DNAH17: variants seen among roughly 807,000 people sequenced by gnomAD.
The protein encoded by DNAH17 is axonemal beta dynein heavy chain 17.
Under a neutral mutation model 485.6 loss-of-function variants are expected in DNAH17, and 376 were observed. The observed-to-expected ratio is 0.77, with a 90% confidence interval of 0.71 to 0.84. DNAH17 has a LOEUF of 0.84. Among genes scored for constraint, DNAH17 ranks in the 40% least tolerant of loss-of-function variants. DNAH17 has a pLI of 0.00. For missense variants in DNAH17, 6,370 were observed against 5,839.3 expected (o/e 1.09, Z -2.96); for synonymous variants, 3,031 against 2,405.9 (o/e 1.26, Z -7.60).
At chr17:78,458,903 G>A (rs769550408) in intron 61 of DNAH17, 98 bp downstream of exon 61, 69 of 1,334,094 alleles carry the variant, frequency 5.2e-5, no homozygotes, top group East Asian at 2.6e-4. Flanking sequence ...AATTCATGAC[G>A]GCGGGCCGTG....
At position 78,427,043 on chromosome 17, in the gene DNAH17, C is replaced by T. The variant is rs1288116242; in HGVS notation, c.12654G>A (p.Met4218Ile). 1.2e-5 allele frequency: 20 copies of T among 1,602,622 alleles called. No individual in the cohort carries two copies. The highest frequency in any genetic ancestry group is 1.6e-5 in the Non-Finnish European group (19 of 1,174,802). Residue 4218 changes from methionine (M) to isoleucine (I), a missense_variant, in exon 78 of 81, where the codon ATG becomes ATA. Met to Ile is a conservative substitution (Grantham distance 10). Coordinates refer to ENST00000389840, the MANE Select transcript of DNAH17 (RefSeq NM_173628.4). ...AGGGGGTCTTTTCCGCTGCCTTTGC[C>T]ATGATCTCAGCCATGTTGAAAGTCT... is the stretch of plus-strand genomic sequence containing the variant. ...IPETFNMAEI[M>I]AKAAEKTPYV...
At chr17:78,451,177 G>C (rs751011717) in intron 66 of DNAH17, among the ~76,000 whole-genome samples, 5 of 152,254 alleles carry the variant, frequency 3.3e-5, no homozygotes, top group Non-Finnish European at 7.3e-5. Flanking sequence ...TTGCAGGGCA[G>C]CGCTTTGGAG....
intron 22 of DNAH17, 69 bp downstream of exon 22, chr17:78,529,403 G>C: frequency 1.4e-6 from 2 of 1,480,950 alleles, no homozygotes; most frequent in Non-Finnish European, 1.9e-6. Flanking sequence ...TTGATGGGCT[G>C]GTCCATGGTC....
intron 70 of DNAH17, 35 bp from the exon 71 acceptor site, chr17:78,444,832 C>A (rs2087213266): frequency 2.0e-6 from 3 of 1,531,420 alleles, no homozygotes; most frequent in South Asian, 1.3e-5. Flanking sequence ...GTGACTCTTC[C>A]CACTTACCCG....
At position 78,437,659 on chromosome 17, in the gene DNAH17, G is replaced by A. The variant is rs756867250; in HGVS notation, c.12015C>T (p.Ala4005=). The A allele has an allele frequency of 1.2e-6, 2 of 1,610,298 alleles. No individual in the cohort carries two copies. Among genetic ancestry groups the A allele is most frequent in the Non-Finnish European group, 1.7e-6 (2 of 1,178,584 alleles). ...PTGMHANLHK[A]LDLFTQDTLE... ...GCCCTACCTGGGTGAACAGGTCCAG[G>A]GCCTTGTGCAAGTTGGCGTGCATGC... is the stretch of plus-strand genomic sequence containing the variant. Residue 4005 remains alanine (A), a synonymous_variant, in exon 74 of 81, where the codon GCC becomes GCT. Coordinates refer to ENST00000389840, the MANE Select transcript of DNAH17 (RefSeq NM_173628.4).
chr17:78,572,413 G>T (rs1202520456), intron 3 of DNAH17, among the ~76,000 whole-genome samples: 1 of 152,114 alleles, frequency 6.6e-6, no homozygotes, highest in Non-Finnish European at 1.5e-5. Flanking sequence ...TGCTTGCTGG[G>T]TGGTGACTGG....
In DNAH17 at chr17:78,424,146, G is replaced by A; in HGVS notation, c.13149C>T (p.Arg4383=). The A allele has an allele frequency of 6.2e-7, 1 of 1,610,576 alleles. No individual in the cohort carries two copies. Among genetic ancestry groups the A allele is most frequent in the Non-Finnish European group, 8.5e-7 (1 of 1,178,722 alleles). ...CGATGACTCCAGTCTGGGTGTCCCA[G>A]CGAGCCCCTGCAGGGACAGTATGGC... ...YVYGLFMEGA[R]WDTQTGVIAE... The change falls in exon 81 of 81, where the codon CGC becomes CGT. Residue 4383 remains arginine (R), a synonymous_variant. Transcript: ENST00000389840.
chr17:78,558,094 A>G lies in DNAH17; in HGVS notation c.2178+14T>C. 1 of 1,609,850 alleles carries G rather than the reference A, an allele frequency of 6.2e-7. No individual in the cohort carries two copies. Among genetic ancestry groups the G allele is most frequent in the Non-Finnish European group, 8.5e-7 (1 of 1,177,870 alleles). On this transcript the variant is annotated intron_variant, in intron 14 of 80. Transcript: ENST00000389840. ...CAAAGCTGCATCAGGAATAGTACCG[A>G]CTCACCAACTCACCTCATTATACCA...
chr17:78,460,080 T>G (rs972525995), intron 59 of DNAH17, 79 bp from the exon 60 acceptor site: 7 of 1,589,468 alleles, frequency 4.4e-6, no homozygotes, highest in Non-Finnish European at 8.6e-7. Flanking sequence ...CCGCCATGAG[T>G]GTGTCACCAC....
rs527869894 is a variant in DNAH17 at position 78,560,273 on chromosome 17, C to T, written c.2031+467G>A. On this transcript the variant is annotated intron_variant, in intron 13 of 80. Coordinates refer to ENST00000389840, the MANE Select transcript of DNAH17 (RefSeq NM_173628.4). ...AGTGGGAAGATTTCCAAGGAAGAGC[C>T]GCATCTCTGGTTTCCCTGCCTTGCC... 6.0e-4 allele frequency among the ~76,000 whole-genome samples: 91 copies of T among 152,246 alleles called. 1 individual carries two copies. In the East Asian group the frequency reaches 9.8e-3, roughly 16 times the overall value.
rs143597953 is a variant in DNAH17, at chr17:78,455,574, G to A, written c.10170+70C>T. 50 of 1,250,576 alleles carry A rather than the reference G, an allele frequency of 4.0e-5. No individual in the cohort carries two copies. The South Asian group carries it at 5.6e-4, about 14-fold the overall frequency. 77.5% of individuals were successfully genotyped at this position (1,250,576 alleles called of 1,614,324 possible). A position where few individuals can be genotyped will look rare whatever the true frequency, so the allele number is the denominator to read the frequency against. On this transcript the variant is annotated intron_variant, in intron 63 of 80. Coordinates refer to ENST00000389840, the MANE Select transcript of DNAH17 (RefSeq NM_173628.4). ...ACTCCTGGCCTCAAGTAATCCGCCC[G>A]CCTCGGCCTCCCAAAGTGCTGGCAT...
At chr17:78,530,287 C>G in intron 21 of DNAH17, 56 bp downstream of exon 21, 4 of 1,504,516 alleles carry the variant, frequency 2.7e-6, no homozygotes, top group Non-Finnish European at 3.6e-6. Context: ...TGGAAGGCCA[C>G]TCCCTGGTGC....
intron 54 of DNAH17, chr17:78,472,728 A>G (rs915743173): frequency 4.4e-6 from 2 of 454,890 alleles, no homozygotes; most frequent in Non-Finnish European, 8.8e-6. Context: ...CGGCAGGCAC[A>G]GCCCTCGCTG....
intron 50 of DNAH17, 24 bp downstream of exon 50, chr17:78,479,461 A>T: frequency 8.2e-6 from 13 of 1,587,136 alleles, no homozygotes; most frequent in Non-Finnish European, 1.1e-5. Flanking sequence ...CCGATGGGAG[A>T]GGGGATGAGG....
In DNAH17 at chr17:78,455,827, C is replaced by G. The variant is rs2087770388; in HGVS notation, c.9987G>C (p.Gly3329=). ...AGCGGATGTTTTCCGATGCTAATCC[C>G]CCGACCAGCCTAAAGTGGGATGAGA... ...RVILLANRLV[G]GLASENIRWA... Residue 3329 remains glycine, a synonymous_variant, in exon 63 of 81, where the codon GGG becomes GGC. Coordinates refer to ENST00000389840, the MANE Select transcript of DNAH17 (RefSeq NM_173628.4). The G allele has an allele frequency of 1.2e-6, 2 of 1,601,830 alleles. No individual in the cohort carries two copies. The highest frequency in any genetic ancestry group is 3.5e-5 in the Admixed American group (2 of 57,730).
intron 11 of DNAH17, among the ~76,000 whole-genome samples, chr17:78,564,051 G>A (rs930103797): frequency 8.5e-5 from 13 of 152,244 alleles, no homozygotes; most frequent in East Asian, 1.9e-4. Context: ...AGCCTGGGGC[G>A]GGGTGACTGC....
At chr17:78,568,814 G>A (rs555271566) in intron 9 of DNAH17, among the ~76,000 whole-genome samples, 74 of 152,260 alleles carry the variant, frequency 4.9e-4, no homozygotes, top group African/African-American at 1.2e-3. Context: ...GTGCTTGCAC[G>A]GGGGCCTTCA....
intron 14 of DNAH17, among the ~76,000 whole-genome samples, chr17:78,556,923 C>A (rs1179944587): frequency 6.6e-6 from 1 of 152,212 alleles, no homozygotes; most frequent in African/African-American, 2.4e-5. Context: ...GAAAACAGAA[C>A]ACGTATGATA....
In DNAH17 at chr17:78,461,724, C is replaced by A. The variant is rs533277168; in HGVS notation, c.9175-16G>T. 6.4e-5 allele frequency: 102 copies of A among 1,604,394 alleles called. No homozygotes were observed. In the Middle Eastern group the frequency reaches 6.6e-4, roughly 10 times the overall value. On this transcript the variant is annotated splice_polypyrimidine_tract_variant and intron_variant, in intron 57 of 80. Transcript: ENST00000389840. ...AATCATCCACCTGGGGAAGGAGAAA[C>A]CGAGAAACAGCAAGTGTGGGCCGCA...
Sources: gnomAD v4.1 joint callset for allele counts (sites outside exome capture counted in the v4.1 genomes callset) on GRCh38, gnomAD v4.1.1 for gene constraint, MANE v1.5 for transcripts, NCBI Gene and HGNC (gene_info 2026-07-23, HGNC 2026-07-21) for gene names.